The following ADA2 variants were observed in gnomAD, a reference collection of about 807,000 sequenced individuals.
ADA2 encodes adenosine deaminase 2.
ADA2 carries 29 observed loss-of-function variants against 44.2 expected under a neutral mutation model. The observed-to-expected ratio is 0.66, with a 90% CI of 0.49 to 0.89. The LOEUF is 0.89. Among genes scored for constraint, ADA2 ranks in the 40% least tolerant of loss-of-function variants. The pLI, the probability that ADA2 is intolerant of heterozygous loss-of-function variation, is 0.00. For missense variants in ADA2, 637 were observed against 644.8 expected, an observed-to-expected ratio of 0.99 and a Z score of 0.13; for synonymous variants, 215 against 234.9, an observed-to-expected ratio of 0.92 and a Z score of 0.77.
intron 5 of ADA2, among the ~76,000 whole-genome samples, chr22:17,191,452 G>A (rs1238818041): frequency 6.6e-6 from 1 of 152,220 alleles, no homozygotes; most frequent in Non-Finnish European, 1.5e-5. Flanking sequence ...CTTCATTTCA[G>A]TTTGGGGGTG....
At chr22:17,200,065 TAC>T (rs1445230699) in intron 4 of ADA2, among the ~76,000 whole-genome samples, 10 of 152,076 alleles carry the variant, frequency 6.6e-5, no homozygotes, top group Admixed American at 5.9e-4. Context: ...TGCGGTGGTG[TAC>T]ACCTGTAATC....
At chr22:17,191,917 C>T in intron 4 of ADA2, 107 bp from the exon 5 acceptor site, 1 of 1,148,252 alleles carries the variant, frequency 8.7e-7, no homozygotes, top group Non-Finnish European at 1.2e-6. Context: ...CCTGCCCAAC[C>T]ACCCCCTTCC....
intron 1 of ADA2, among the ~76,000 whole-genome samples, chr22:17,214,719 G>C (rs1251052031): frequency 2.0e-5 from 3 of 152,350 alleles, no homozygotes; most frequent in East Asian, 1.9e-4. Flanking sequence ...AGCACAGCCT[G>C]GGTGGCAGAA....
chr22:17,201,211 AAAAG>A (rs1029065162), intron 4 of ADA2, among the ~76,000 whole-genome samples: 4 of 152,166 alleles, frequency 2.6e-5, no homozygotes, highest in Non-Finnish European at 4.4e-5. Flanking sequence ...TCAAAAAAAA[AAAAG>A]AAGAAGAAGA....
intron 3 of ADA2, among the ~76,000 whole-genome samples, chr22:17,206,539 CTT>C (rs2062355564): frequency 6.6e-6 from 1 of 152,042 alleles, no homozygotes; most frequent in African/African-American, 2.4e-5. Context: ...GCTGATAATG[CTT>C]TTTGTAGATT....
chr22:17,190,604 G>A (rs1481175851), intron 5 of ADA2, among the ~76,000 whole-genome samples: 1 of 152,240 alleles, frequency 6.6e-6, no homozygotes, highest in Non-Finnish European at 1.5e-5. Flanking sequence ...GCCCACGACA[G>A]GCTCAAGGTC....
chr22:17,200,981 G>A (rs188501148), intron 4 of ADA2, among the ~76,000 whole-genome samples: 7 of 151,840 alleles, frequency 4.6e-5, no homozygotes, highest in Admixed American at 1.3e-4. Flanking sequence ...CTTGAATAAC[G>A]AGTGGATCAG....
intron 4 of ADA2, among the ~76,000 whole-genome samples, chr22:17,198,273 A>G (rs994462484): frequency 6.6e-6 from 1 of 152,068 alleles, no homozygotes; most frequent in African/African-American, 2.4e-5. Flanking sequence ...AGAGCAACCA[A>G]ATCAGAATCT....
intron 7 of ADA2, among the ~76,000 whole-genome samples, chr22:17,186,073 A>G (rs2062032259): frequency 6.6e-6 from 1 of 152,218 alleles, no homozygotes; most frequent in African/African-American, 2.4e-5. Context: ...ATGGCGTTTC[A>G]GGAGGAACAG....
intron 8 of ADA2, 140 bp downstream of exon 8, chr22:17,182,464 T>C: frequency 1.1e-6 from 1 of 872,836 alleles, no homozygotes. Flanking sequence ...TGAATAACTT[T>C]ACTAACAGGG....
intron 1 of ADA2, among the ~76,000 whole-genome samples, chr22:17,215,549 T>C (rs1464826518): frequency 2.7e-5 from 4 of 149,750 alleles, no homozygotes; most frequent in Non-Finnish European, 5.9e-5. Flanking sequence ...GAGGTTGCAG[T>C]GAGCCGAGAT....
chr22:17,209,306 G>A (rs755331182), intron 2 of ADA2, 50 bp downstream of exon 2: 1 of 1,455,492 alleles, frequency 6.9e-7, no homozygotes, highest in East Asian at 2.3e-5. Context: ...GCCCCAAGAT[G>A]AGTCCCTCTA....
intron 3 of ADA2, among the ~76,000 whole-genome samples, chr22:17,206,624 G>A (rs1301655106): frequency 6.6e-6 from 1 of 152,136 alleles, no homozygotes; most frequent in African/African-American, 2.4e-5. Context: ...TATCCTGCAA[G>A]GTTAAAAGAA....
At chr22:17,197,002 G>A (rs55910342) in intron 4 of ADA2, among the ~76,000 whole-genome samples, 15,873 of 152,086 alleles carry the variant, frequency 0.1, 1,151 homozygotes, top group East Asian at 0.32. Context: ...GCGAAACCCC[G>A]TCTCTACTAA....
chr22:17,205,315 C>G (rs1002024599), intron 3 of ADA2, among the ~76,000 whole-genome samples: 7 of 152,124 alleles, frequency 4.6e-5, no homozygotes, highest in Non-Finnish European at 8.8e-5. Context: ...CCACCACACC[C>G]GGCCACCAGG....
chr22:17,197,461 G>A (rs1479586793), intron 4 of ADA2, among the ~76,000 whole-genome samples: 1 of 152,002 alleles, frequency 6.6e-6, no homozygotes, highest in Non-Finnish European at 1.5e-5. Context: ...GTAGAGACAA[G>A]GGTTTTGCCA....
At chr22:17,189,888 G>C (rs2062092897) in intron 6 of ADA2, 54 bp downstream of exon 6, 1 of 1,299,124 alleles carries the variant, frequency 7.7e-7, no homozygotes, top group African/African-American at 1.5e-5. Flanking sequence ...ACCCAGACAG[G>C]CATCCTCGCA....
intron 1 of ADA2, among the ~76,000 whole-genome samples, chr22:17,219,130 C>T (rs907820581): frequency 6.6e-6 from 1 of 152,216 alleles, no homozygotes; most frequent in African/African-American, 2.4e-5. Context: ...ACACTCCAGC[C>T]TGGTGACAGT....
rs184851563 is a variant in ADA2, at chr22:17,205,418, A to C, written c.543-1645T>G. ...CATGACCCAGTGTGCCCGGCTTGAG[A>C]AAATCAGTTCCTATTGTTTAAGCTC... On this transcript the variant is annotated intron_variant, in intron 3 of 9. Transcript: ENST00000399837. 4.2e-3 allele frequency among the ~76,000 whole-genome samples: 635 copies of C among 152,204 alleles called. 4 individuals carry two copies. Among genetic ancestry groups the C allele is most frequent in the African/African-American group, 0.015 (609 of 41,534 alleles).
Sources: gnomAD v4.1 joint callset for allele counts (sites outside exome capture counted in the v4.1 genomes callset) on GRCh38, gnomAD v4.1.1 for gene constraint, MANE v1.5 for transcripts, NCBI Gene and HGNC (gene_info 2026-07-23, HGNC 2026-07-21) for gene names.